SAXO5: variants seen among roughly 807,000 people sequenced by gnomAD.
SAXO5 encodes testis expressed 45.
the SAXO5 span, chr19:7,505,924 C>T: frequency 2.0e-6 from 3 of 1,531,772 alleles, no homozygotes; most frequent in Non-Finnish European, 2.6e-6. Context: ...CCGGGGACCT[C>T]TCGGACGCCG....
the SAXO5 span, chr19:7,504,211 T>G: frequency 5.0e-6 from 8 of 1,613,822 alleles, no homozygotes; most frequent in Non-Finnish European, 5.9e-6. Context: ...CCACCTGCCT[T>G]GAGGTGTAAG....
the SAXO5 span, chr19:7,505,242 C>G: frequency 1.8e-4 from 244 of 1,375,150 alleles, 2 homozygotes; most frequent in Admixed American, 1.2e-4. Flanking sequence ...CTCAGCCTCC[C>G]AAAGTGCTGA....
the SAXO5 span, chr19:7,500,827 C>T: frequency 6.7e-7 from 1 of 1,484,416 alleles, no homozygotes; most frequent in Middle Eastern, 1.8e-4. Flanking sequence ...CCCGCGATGG[C>T]CACAGGCGCC....
chr19:7,503,882 C>T, the SAXO5 span, among the ~76,000 whole-genome samples: 2 of 152,244 alleles, frequency 1.3e-5, no homozygotes, highest in Non-Finnish European at 2.9e-5. Flanking sequence ...CATCTTTGCA[C>T]TTCAGCCACC....
At chr19:7,505,246 G>A in the SAXO5 span, 32,213 of 1,393,504 alleles carry the variant, frequency 0.023, 508 homozygotes, top group Middle Eastern at 0.073. Flanking sequence ...GCCTCCCAAA[G>A]TGCTGAGATT....
the SAXO5 span, chr19:7,507,151 G>A: frequency 6.2e-7 from 1 of 1,611,344 alleles, no homozygotes; most frequent in East Asian, 2.2e-5. Flanking sequence ...GGTAAGGGAG[G>A]CGGAGGGGAG....
At chr19:7,505,932 C>A in the SAXO5 span, 7 of 1,538,082 alleles carry the variant, frequency 4.6e-6, no homozygotes, top group South Asian at 8.7e-5. Flanking sequence ...CTCTCGGACG[C>A]CGGAGCTTTC....
the SAXO5 span, chr19:7,501,249 G>A: frequency 2.6e-6 from 4 of 1,566,266 alleles, no homozygotes; most frequent in East Asian, 4.9e-5. Context: ...GCGCACCCGA[G>A]AGCGGATCCG....
chr19:7,500,340 C>T, the SAXO5 span, among the ~76,000 whole-genome samples: 1 of 152,044 alleles, frequency 6.6e-6, no homozygotes, highest in African/African-American at 2.4e-5. Flanking sequence ...CTCGCTCTGT[C>T]GTCCAGGCTG....
At chr19:7,501,948 GGGGTGGCGAGGCCACCCGCGGT>G in the SAXO5 span, among the ~76,000 whole-genome samples, 1 of 151,060 alleles carries the variant, frequency 6.6e-6, no homozygotes. Context: ...GAAGACTTGG[GGGGTGGCGAGGCCACCCGCGGT>G]GGCTCACGCC....
At chr19:7,501,603 C>T in the SAXO5 span, among the ~76,000 whole-genome samples, 1 of 151,636 alleles carries the variant, frequency 6.6e-6, no homozygotes, top group Non-Finnish European at 1.5e-5. Flanking sequence ...GGGGGGATCG[C>T]TTGAGGTCAA....
chr19:7,504,195 C>T, the SAXO5 span: 1 of 1,614,052 alleles, frequency 6.2e-7, no homozygotes, highest in Non-Finnish European at 8.5e-7. Flanking sequence ...CCAGGCCCTG[C>T]CAGGCCCACC....
At chr19:7,497,841 G>A in the SAXO5 span, among the ~76,000 whole-genome samples, 1 of 152,058 alleles carries the variant, frequency 6.6e-6, no homozygotes, top group African/African-American at 2.4e-5. Context: ...TATTGCAGGG[G>A]GCAAATGATT....
chr19:7,502,971 C>A, the SAXO5 span, among the ~76,000 whole-genome samples: 1 of 152,136 alleles, frequency 6.6e-6, no homozygotes, highest in East Asian at 1.9e-4. Context: ...CCTGATTTGA[C>A]ATTTAGTTGT....
At chr19:7,498,147 T>G in the SAXO5 span, among the ~76,000 whole-genome samples, 1 of 139,404 alleles carries the variant, frequency 7.2e-6, no homozygotes, top group African/African-American at 2.8e-5. Context: ...AACTGTGGTT[T>G]CATTAAAACA....
At chr19:7,504,530 A>C in the SAXO5 span, 1 of 722,176 alleles carries the variant, frequency 1.4e-6, no homozygotes, top group East Asian at 2.7e-5. Context: ...ATATGGTGAA[A>C]CCCTGTCTCT....
chr19:7,506,239 ATGGAGCCCCTCCCC>A, the SAXO5 span: 1 of 431,654 alleles, frequency 2.3e-6, no homozygotes, highest in Non-Finnish European at 2.9e-6. Context: ...CCCCGCCCCC[ATGGAGCCCCTCCCC>A]ATGGAGCCCC....
chr19:7,501,434 T>C, the SAXO5 span: 1 of 1,450,678 alleles, frequency 6.9e-7, no homozygotes, highest in Non-Finnish European at 9.0e-7. Context: ...GGCGATTTGC[T>C]TCACATTGTG....
chr19:7,507,868 G>A, the SAXO5 span, among the ~76,000 whole-genome samples: 14 of 152,010 alleles, frequency 9.2e-5, no homozygotes, highest in African/African-American at 3.1e-4. Context: ...GTCCCTAGGC[G>A]GCCCCACCTT....
Sources: allele counts gnomAD v4.1 joint callset (sites outside exome capture counted in the v4.1 genomes callset), GRCh38; gene constraint gnomAD v4.1.1; transcripts MANE v1.5; gene names NCBI Gene and HGNC (gene_info 2026-07-23, HGNC 2026-07-21).